KLHL29: variants seen among roughly 807,000 people sequenced by gnomAD.
KLHL29 encodes kelch-like protein 29.
A neutral mutation model predicts 80.4 loss-of-function variants in KLHL29; 21 were observed. The observed-to-expected ratio is 0.26, with a 90% CI of 0.19 to 0.38. KLHL29 has a LOEUF of 0.38. KLHL29 is among the 10% of genes least tolerant of loss of function. KLHL29 has a pLI of 1.00. For synonymous variants in KLHL29, 511 were observed against 526.8 expected, an observed-to-expected ratio of 0.97 and a Z score of 0.41; for missense variants, 867 against 1,223.9, an observed-to-expected ratio of 0.71 and a Z score of 4.35.
At chr2:23,559,341 A>G (rs1393054946) in intron 2 of KLHL29, among the ~76,000 whole-genome samples, 1 of 152,178 alleles carries the variant, frequency 6.6e-6, no homozygotes, top group African/African-American at 2.4e-5. Flanking sequence ...CAGGATTTAA[A>G]GCAGGAAAGT....
chr2:23,564,176 G>C (rs1286399674), intron 3 of KLHL29, among the ~76,000 whole-genome samples: 3 of 152,234 alleles, frequency 2.0e-5, no homozygotes, highest in Non-Finnish European at 4.4e-5. Flanking sequence ...GTGTTGGGCT[G>C]CTCTGGGGGA....
chr2:23,512,651 T>G (rs1665808252), intron 2 of KLHL29, among the ~76,000 whole-genome samples: 1 of 152,238 alleles, frequency 6.6e-6, no homozygotes. Flanking sequence ...CTCTAAGGAC[T>G]GGGTAGTCAC....
At chr2:23,658,896 C>T (rs1175961712) in intron 5 of KLHL29, among the ~76,000 whole-genome samples, 3 of 152,220 alleles carry the variant, frequency 2.0e-5, no homozygotes, top group African/African-American at 7.2e-5. Context: ...TCTGTGACAT[C>T]CCGGTTTTCT....
chr2:23,483,964 C>A (rs748576712), intron 2 of KLHL29, among the ~76,000 whole-genome samples: 1 of 152,176 alleles, frequency 6.6e-6, no homozygotes, highest in Non-Finnish European at 1.5e-5. Context: ...GCACATACGA[C>A]GTGTCAAGCC....
chr2:23,544,269 C>T lies in KLHL29; in HGVS notation c.-45-17883C>T, dbSNP rs567234141. ...TTATTTACGGAGCCCTACCAGAGGC[C>T]GGGTATTGCCTGGGCCAAGATACAG... On this transcript the variant is annotated intron_variant, in intron 2 of 13. Coordinates refer to ENST00000486442, the MANE Select transcript of KLHL29 (RefSeq NM_052920.2). 4.6e-5 allele frequency among the ~76,000 whole-genome samples: 7 copies of T among 152,228 alleles called. No homozygotes were observed. The South Asian group carries it at 1.2e-3, about 27-fold the overall frequency.
chr2:23,395,118 A>G (rs1666416465), intron 1 of KLHL29, among the ~76,000 whole-genome samples: 1 of 152,144 alleles, frequency 6.6e-6, no homozygotes, highest in Admixed American at 6.5e-5. Flanking sequence ...AGCTCAATGA[A>G]TTGTGTTGAG....
intron 5 of KLHL29, among the ~76,000 whole-genome samples, chr2:23,676,708 G>A (rs1057115066): frequency 5.3e-5 from 8 of 152,202 alleles, no homozygotes; most frequent in African/African-American, 1.9e-4. Flanking sequence ...CCTGGCCAAA[G>A]GCAGAAAGAG....
chr2:23,478,173 G>A (rs1047668936), intron 2 of KLHL29, among the ~76,000 whole-genome samples: 2 of 152,152 alleles, frequency 1.3e-5, no homozygotes, highest in African/African-American at 4.8e-5. Flanking sequence ...ATCTGTCTCT[G>A]TGTTCCGCTC....
At chr2:23,459,642 G>T (rs928552033) in intron 1 of KLHL29, among the ~76,000 whole-genome samples, 1 of 152,250 alleles carries the variant, frequency 6.6e-6, no homozygotes, top group Non-Finnish European at 1.5e-5. Context: ...CGCAGGCACA[G>T]TGAGACTGGC....
At chr2:23,467,579 A>G (rs1180263343) in intron 1 of KLHL29, among the ~76,000 whole-genome samples, 1 of 152,166 alleles carries the variant, frequency 6.6e-6, no homozygotes, top group Non-Finnish European at 1.5e-5. Context: ...TAGCTTTTTT[A>G]CTGAGTGAGG....
rs935119633 is a variant in KLHL29, at chr2:23,562,221, G to A, written c.25G>A (p.Glu9Lys). The A allele has an allele frequency of 2.4e-5, 37 of 1,550,588 alleles. No homozygotes were observed. The highest frequency in any genetic ancestry group is 3.9e-5 in the Admixed American group (2 of 50,974). Residue 9 changes from glutamate (E) to lysine (K), a missense_variant, in exon 3 of 14, where the codon GAA (glutamate) becomes AAA (lysine). Around this residue, in one of 2 missense-constraint regions of KLHL29, gnomAD observed 424 missense variants for 456.9 expected, o/e 0.93. Coordinates refer to ENST00000486442, the MANE Select transcript of KLHL29 (RefSeq NM_052920.2). This position sits in a 1 kb window ranked among gnomAD's most constrained non-coding sequence, Gnocchi z 4.5. MSRHHSRFERDYRVGWDRR... is the reference protein window; with the variant it reads MSRHHSRFKRDYRVGWDRR... ...GATGTCCCGGCACCATAGCCGCTTC[G>A]AAAGAGATTACCGGGTGGGCTGGGA...
chr2:23,403,724 A>AGTGTGTGT (rs1351270818), intron 1 of KLHL29, among the ~76,000 whole-genome samples: 44 of 140,300 alleles, frequency 3.1e-4, no homozygotes, highest in Non-Finnish European at 5.7e-4. Flanking sequence ...AGAGAGAGAG[A>AGTGTGTGT]GAGTGTGTGT....
In KLHL29 at chr2:23,556,306, C is replaced by T. The variant is rs117425924; in HGVS notation, c.-45-5846C>T. ...ACGAAGATGACCCCCCTCGCGGAGG[C>T]GCAGGCGTGGTGTTGACTGGCAGGC... On this transcript the variant is annotated intron_variant, in intron 2 of 13. Transcript: ENST00000486442. Among the ~76,000 whole-genome samples, 604 of 152,156 alleles carry T rather than the reference C, an allele frequency of 4.0e-3. 13 individuals carry two copies. Among genetic ancestry groups the T allele is most frequent in the East Asian group, 0.021 (108 of 5,164 alleles).
chr2:23,562,558 A>G lies in KLHL29; in HGVS notation c.285+77A>G. On this transcript the variant is annotated intron_variant, in intron 3 of 13. Transcript: ENST00000486442. The surrounding 1 kb of genome is among the most constrained non-coding windows in gnomAD (Gnocchi z 4.5). ...CCCTGCAGGCTCAGGCCAGCCCCAC[A>G]GGCTCCTGTGGGGCAGCCTGTGCTC... The G allele has an allele frequency of 6.9e-7, 1 of 1,447,264 alleles. No homozygotes were observed. The highest frequency in any genetic ancestry group is 9.2e-7 in the Non-Finnish European group (1 of 1,082,860). 89.7% of individuals were successfully genotyped at this position (1,447,264 alleles called of 1,614,324 possible).
At chr2:23,675,502 C>T (rs1670895571) in intron 5 of KLHL29, among the ~76,000 whole-genome samples, 1 of 152,300 alleles carries the variant, frequency 6.6e-6, no homozygotes, top group Admixed American at 6.5e-5. Flanking sequence ...ATGATCTGTT[C>T]TTGGTTTTTG....
At chr2:23,587,710 G>A (rs1276055267) in intron 3 of KLHL29, among the ~76,000 whole-genome samples, 1 of 152,196 alleles carries the variant, frequency 6.6e-6, no homozygotes, top group Admixed American at 6.5e-5. Context: ...ATATTCCAGA[G>A]CCTAATCGGA....
chr2:23,426,861 T>C (rs1663018207), intron 1 of KLHL29, among the ~76,000 whole-genome samples: 1 of 152,192 alleles, frequency 6.6e-6, no homozygotes, highest in Admixed American at 6.5e-5. Flanking sequence ...CAGTCTGCCA[T>C]GAGGGTGAAG....
chr2:23,450,305 T>C (rs2103420995), intron 1 of KLHL29, among the ~76,000 whole-genome samples: 1 of 152,322 alleles, frequency 6.6e-6, no homozygotes, highest in Middle Eastern at 3.4e-3. Flanking sequence ...TTCACCCTGC[T>C]TCATGGGATC....
intron 1 of KLHL29, among the ~76,000 whole-genome samples, chr2:23,425,834 G>T (rs1662991107): frequency 1.3e-5 from 2 of 152,326 alleles, no homozygotes; most frequent in Admixed American, 1.3e-4. Flanking sequence ...GCACTGGAAG[G>T]ACCACAGGAC....
Sources: gnomAD v4.1 joint callset for allele counts (sites outside exome capture counted in the v4.1 genomes callset) on GRCh38, gnomAD v4.1.1 for gene constraint, gnomAD v4.1.1 regional missense constraint, Gnocchi (gnomAD v3.1) non-coding constraint, MANE v1.5 for transcripts, NCBI Gene and HGNC (gene_info 2026-07-23, HGNC 2026-07-21) for gene names.